The following FBXL7 variants were observed in gnomAD, a reference collection of about 807,000 sequenced individuals.
The protein encoded by FBXL7 is F-box and leucine rich repeat protein 7.
In FBXL7, 12 loss-of-function variants were observed where a neutral mutation model predicts 38.3. That is an observed-to-expected ratio of 0.31 (90% CI 0.20 to 0.51). FBXL7 has a LOEUF of 0.51. Among genes scored for constraint, FBXL7 ranks in the 20% least tolerant of loss-of-function variants. The pLI, the probability that FBXL7 is intolerant of heterozygous loss-of-function variation, is 0.98. For missense variants in FBXL7, 567 were observed against 676.4 expected (o/e 0.84, Z 1.79); for synonymous variants, 297 against 300.9 (o/e 0.99, Z 0.13).
chr5:15,919,914 G>C (rs1327033493), intron 2 of FBXL7, among the ~76,000 whole-genome samples: 1 of 152,194 alleles, frequency 6.6e-6, no homozygotes, highest in African/African-American at 2.4e-5. Context: ...CAGAACAGTT[G>C]TGTGGAGGTA....
At position 15,617,555 on chromosome 5, in the gene FBXL7, G is replaced by A. The variant is rs140543589; in HGVS notation, c.127+1483G>A. 7.9e-4 allele frequency among the ~76,000 whole-genome samples: 120 copies of A among 152,042 alleles called. 3 individuals are homozygous for A. The East Asian group carries it at 0.021, about 26-fold the overall frequency. The stretch of plus-strand genomic sequence containing the variant: ...TTGCTCACTGCAACCTCTGCCTCCC[G>A]GATTCAAGTGATTCTCCTGCCTACA... On this transcript the variant is annotated intron_variant, in intron 2 of 3. Transcript: ENST00000504595.
intron 1 of FBXL7, among the ~76,000 whole-genome samples, chr5:15,578,030 T>C (rs1328379745): frequency 1.3e-5 from 2 of 152,142 alleles, no homozygotes; most frequent in Non-Finnish European, 2.9e-5. Flanking sequence ...TGTGTGGTCA[T>C]GGATGTAACA....
In FBXL7 at chr5:15,928,394, G is replaced by T. The variant is rs1318766367; in HGVS notation, c.632G>T (p.Cys211Phe). The T allele has an allele frequency of 6.2e-7, 1 of 1,614,046 alleles. No homozygotes were observed. ...GGGCTGTACACCATCGCCCAGTGCT[G>T]CCCCGAACTGAGGCGACTGGAAGTC... ...DRGLYTIAQCCPELRRLEVSG... is the reference protein window; with the variant it reads ...DRGLYTIAQCFPELRRLEVSG... The change falls in exon 3 of 4, where the codon TGC becomes TTC. Residue 211 changes from cysteine (C) to phenylalanine (F), a missense_variant. Coordinates refer to ENST00000504595, the MANE Select transcript of FBXL7 (RefSeq NM_012304.5). The surrounding 1 kb of genome is among the most constrained non-coding windows in gnomAD (Gnocchi z 4.0).
rs146244232 is a variant in FBXL7, at chr5:15,621,874, G to A, written c.127+5802G>A. 2.8e-3 allele frequency among the ~76,000 whole-genome samples: 423 copies of A among 152,182 alleles called. 7 individuals are homozygous for A. The highest frequency in any genetic ancestry group is 0.025 in the Admixed American group (385 of 15,290). On this transcript the variant is annotated intron_variant, in intron 2 of 3. Coordinates refer to ENST00000504595, the MANE Select transcript of FBXL7 (RefSeq NM_012304.5). ...CACGGGATTTTCAGAGTTACAAAGG[G>A]TCTTGTCAATTTTTGGATCCAATAC...
intron 1 of FBXL7, among the ~76,000 whole-genome samples, chr5:15,523,452 G>A (rs546080938): frequency 7.9e-5 from 12 of 152,136 alleles, no homozygotes; most frequent in South Asian, 2.1e-4. Context: ...CCAGCTACTC[G>A]GGAGGCTGAG....
In FBXL7 at chr5:15,790,136, C is replaced by T. The variant is rs1038565087; in HGVS notation, c.128-137754C>T. On this transcript the variant is annotated intron_variant, in intron 2 of 3. Transcript: ENST00000504595. ...TATACAACCTGATTTCAAAATTTAA[C>T]CCTACTAAATTTTATGTTGTTACAG... Among the ~76,000 whole-genome samples, 6 of 152,150 alleles carry T rather than the reference C, an allele frequency of 3.9e-5. 1 individual carries two copies. The highest frequency in any genetic ancestry group is 1.4e-4 in the African/African-American group (6 of 41,424).
intron 2 of FBXL7, among the ~76,000 whole-genome samples, chr5:15,779,719 T>C (rs1161776666): frequency 6.6e-6 from 1 of 152,188 alleles, no homozygotes; most frequent in Non-Finnish European, 1.5e-5. Context: ...CAGTTTAAAG[T>C]CTTTTAGATA....
At chr5:15,824,690 C>T (rs1579496049) in intron 2 of FBXL7, among the ~76,000 whole-genome samples, 1 of 152,082 alleles carries the variant, frequency 6.6e-6, no homozygotes, top group South Asian at 2.1e-4. Context: ...CTTCCTTTAT[C>T]GGTTTTGCTT....
chr5:15,751,083 T>C (rs1482273618), intron 2 of FBXL7, among the ~76,000 whole-genome samples: 1 of 152,210 alleles, frequency 6.6e-6, no homozygotes, highest in Non-Finnish European at 1.5e-5. Flanking sequence ...CATTTCTGTT[T>C]CCGTGTTGTG....
At chr5:15,752,073 T>G (rs1736169232) in intron 2 of FBXL7, among the ~76,000 whole-genome samples, 1 of 152,202 alleles carries the variant, frequency 6.6e-6, no homozygotes, top group Non-Finnish European at 1.5e-5. Context: ...CTTCAGAATT[T>G]TAATTTCTAG....
intron 2 of FBXL7, among the ~76,000 whole-genome samples, chr5:15,905,785 T>G (rs1741343023): frequency 6.6e-6 from 1 of 151,964 alleles, no homozygotes; most frequent in African/African-American, 2.4e-5. Context: ...GGGGGACACA[T>G]AAGAAAGAAA....
rs116298000 is a variant in FBXL7, at chr5:15,672,259, C to T, written c.127+56187C>T. Among the ~76,000 whole-genome samples, 544 of 152,276 alleles carry T rather than the reference C, an allele frequency of 3.6e-3. 3 individuals are homozygous for T. The highest frequency in any genetic ancestry group is 6.8e-3 in the Middle Eastern group (2 of 294). ...CATCTTAATGTCTGTAAATGGATTT[C>T]TTCCAGGAACATTAGCAAGTAATGT... On this transcript the variant is annotated intron_variant, in intron 2 of 3. Coordinates refer to ENST00000504595, the MANE Select transcript of FBXL7 (RefSeq NM_012304.5).
intron 2 of FBXL7, among the ~76,000 whole-genome samples, chr5:15,715,505 A>G (rs1193687295): frequency 6.6e-6 from 1 of 151,578 alleles, no homozygotes; most frequent in Non-Finnish European, 1.5e-5. Context: ...AAAAAAAAAA[A>G]AAAAAAAGTA....
chr5:15,929,308 A>C (rs1741976329), intron 3 of FBXL7, among the ~76,000 whole-genome samples: 1 of 152,242 alleles, frequency 6.6e-6, no homozygotes, highest in Non-Finnish European at 1.5e-5. Context: ...CCATTGAATT[A>C]AATCTTTAGT....
At chr5:15,787,544 C>A (rs985183107) in intron 2 of FBXL7, among the ~76,000 whole-genome samples, 5 of 152,124 alleles carry the variant, frequency 3.3e-5, no homozygotes, top group Non-Finnish European at 7.4e-5. Flanking sequence ...AAAACAAAGT[C>A]TAATATCACA....
chr5:15,913,414 A>G (rs1741495998), intron 2 of FBXL7, among the ~76,000 whole-genome samples: 2 of 152,224 alleles, frequency 1.3e-5, no homozygotes, highest in African/African-American at 4.8e-5. Context: ...AGGATTCACT[A>G]TGCTATGAAA....
rs1735694373 is a variant in FBXL7 at position 15,734,375 on chromosome 5, C to G, written c.127+118303C>G. ...GGCGATCACAAGTCATGGGTTTAAT[C>G]CCTGCTCTAAATGTTACTAGCTGAT... is the stretch of plus-strand genomic sequence containing the variant. On this transcript the variant is annotated intron_variant, in intron 2 of 3. Coordinates refer to ENST00000504595, the MANE Select transcript of FBXL7 (RefSeq NM_012304.5). 2.6e-5 allele frequency among the ~76,000 whole-genome samples: 4 copies of G among 152,198 alleles called. No individual in the cohort carries two copies. The South Asian group carries it at 8.3e-4, about 32-fold the overall frequency.
At chr5:15,733,447 T>C (rs1735666874) in intron 2 of FBXL7, among the ~76,000 whole-genome samples, 1 of 152,212 alleles carries the variant, frequency 6.6e-6, no homozygotes, top group Non-Finnish European at 1.5e-5. Context: ...TTATAATAAT[T>C]GTTTTTCTAA....
chr5:15,715,023 C>T lies in FBXL7; in HGVS notation c.127+98951C>T, dbSNP rs536946476. On this transcript the variant is annotated intron_variant, in intron 2 of 3. Transcript: ENST00000504595. Reference sequence around the variant, plus strand: ...TGCAGCACACAGATTCTCCCCTGAGCCTCTAGAAGGAACGCAGTCCTGCCA... The same window carrying T: ...TGCAGCACACAGATTCTCCCCTGAGTCTCTAGAAGGAACGCAGTCCTGCCA... Among the ~76,000 whole-genome samples, 20 of 152,148 alleles carry T rather than the reference C, an allele frequency of 1.3e-4. No individual in the cohort carries two copies. The South Asian group carries it at 2.7e-3, about 21-fold the overall frequency.
Sources: allele counts gnomAD v4.1 joint callset (sites outside exome capture counted in the v4.1 genomes callset), GRCh38; gene constraint gnomAD v4.1.1; non-coding constraint Gnocchi (gnomAD v3.1); transcripts MANE v1.5; gene names NCBI Gene and HGNC (gene_info 2026-07-23, HGNC 2026-07-21).